The following RANBP2 variants were observed in gnomAD, a reference collection of about 807,000 sequenced individuals.
The protein encoded by RANBP2 is E3 SUMO-protein ligase RanBP2.
RANBP2 carries 57 observed loss-of-function variants against 303.6 expected under a neutral mutation model. That is an observed-to-expected ratio of 0.19 (90% confidence interval 0.15 to 0.23). RANBP2 has a LOEUF of 0.23. Ranked by LOEUF, RANBP2 falls within the 10% of genes least tolerant of loss-of-function variation. RANBP2 has a pLI of 1.00. For synonymous variants in RANBP2, 1,167 were observed against 1,301.5 expected, an observed-to-expected ratio of 0.90 and a Z score of 2.23; for missense variants, 3,138 against 3,780.8, an observed-to-expected ratio of 0.83 and a Z score of 4.46.
At chr2:109,424,260 C>G in the RANBP2 span, among the ~76,000 whole-genome samples, 12 of 152,196 alleles carry the variant, frequency 7.9e-5, no homozygotes, top group East Asian at 1.2e-3. Context: ...TCAGGCTGCC[C>G]TTTGAAGGGG....
chr2:109,109,609 AT>A, the RANBP2 span, among the ~76,000 whole-genome samples: 1 of 152,342 alleles, frequency 6.6e-6, no homozygotes, highest in African/African-American at 2.4e-5. Context: ...CACAGTGCTG[AT>A]TAATAAAAAT....
chr2:109,597,924 T>C, the RANBP2 span, among the ~76,000 whole-genome samples: 1 of 152,194 alleles, frequency 6.6e-6, no homozygotes, highest in Admixed American at 6.6e-5. Flanking sequence ...CTTCTGATGC[T>C]TCTTTTCCAA....
chr2:109,075,996 C>G, the RANBP2 span, among the ~76,000 whole-genome samples: 1 of 150,600 alleles, frequency 6.6e-6, no homozygotes, highest in African/African-American at 2.4e-5. Context: ...GAAAAGAAAA[C>G]CACATGCCAA....
chr2:108,729,676 A>G (rs2949983), intron 2 of RANBP2, among the ~76,000 whole-genome samples: 5 of 151,458 alleles, frequency 3.3e-5, no homozygotes, highest in African/African-American at 1.2e-4. Flanking sequence ...TGATTTCCTG[A>G]CTTGGAGTGG....
intron 25 of RANBP2, among the ~76,000 whole-genome samples, chr2:108,778,311 C>G (rs1399508363): frequency 6.6e-6 from 1 of 152,192 alleles, no homozygotes; most frequent in Non-Finnish European, 1.5e-5. Flanking sequence ...TTTTATTCAC[C>G]AAGCTCTTGT....
the RANBP2 span, among the ~76,000 whole-genome samples, chr2:108,822,545 A>G: frequency 6.6e-6 from 1 of 152,230 alleles, no homozygotes; most frequent in Non-Finnish European, 1.5e-5. Context: ...CAGATAAACT[A>G]CGTGTTTGGC....
chr2:108,959,374 G>A, the RANBP2 span, among the ~76,000 whole-genome samples: 1 of 152,236 alleles, frequency 6.6e-6, no homozygotes, highest in African/African-American at 2.4e-5. Context: ...AGAGAAATCA[G>A]AGCTCCCCAG....
At chr2:108,831,523 A>T in the RANBP2 span, among the ~76,000 whole-genome samples, 1 of 152,232 alleles carries the variant, frequency 6.6e-6, no homozygotes, top group South Asian at 2.1e-4. Context: ...TCATGAAAAT[A>T]TGAAATGGCT....
the RANBP2 span, among the ~76,000 whole-genome samples, chr2:109,571,469 CT>C: frequency 6.6e-6 from 1 of 152,130 alleles, no homozygotes; most frequent in African/African-American, 2.4e-5. Flanking sequence ...ATACTGGATA[CT>C]GTAGACAACC....
At chr2:109,568,067 A>G in the RANBP2 span, 2 of 1,020,490 alleles carry the variant, frequency 2.0e-6, no homozygotes, top group South Asian at 1.7e-5. Context: ...TCATTCTGAC[A>G]ATGAATTTCC....
the RANBP2 span, among the ~76,000 whole-genome samples, chr2:108,807,753 G>A: frequency 6.6e-6 from 1 of 152,182 alleles, no homozygotes; most frequent in African/African-American, 2.4e-5. Flanking sequence ...GAGTATCTGG[G>A]ATTACAGGCG....
the RANBP2 span, among the ~76,000 whole-genome samples, chr2:109,401,413 C>T: frequency 1.2e-4 from 18 of 152,184 alleles, no homozygotes; most frequent in Non-Finnish European, 4.4e-5. Context: ...GAGCAAAGGC[C>T]ACTCTCACTG....
At chr2:109,713,251 T>A in the RANBP2 span, among the ~76,000 whole-genome samples, 1 of 152,118 alleles carries the variant, frequency 6.6e-6, no homozygotes, top group Non-Finnish European at 1.5e-5. Context: ...GTTACGAATC[T>A]CCAGGACAGG....
chr2:109,420,372 T>TC, the RANBP2 span, among the ~76,000 whole-genome samples: 7,890 of 152,210 alleles, frequency 0.052, 577 homozygotes, highest in African/African-American at 0.17. Flanking sequence ...GCAGGGTGGG[T>TC]AGACGTCAGA....
chr2:108,930,290 C>T, the RANBP2 span: 1 of 1,613,254 alleles, frequency 6.2e-7, no homozygotes, highest in African/African-American at 1.3e-5. Context: ...CTTAGAAACA[C>T]ATGTGACTCC....
the RANBP2 span, among the ~76,000 whole-genome samples, chr2:108,932,368 A>T: frequency 1.3e-5 from 2 of 151,854 alleles, no homozygotes; most frequent in African/African-American, 4.8e-5. Context: ...CTCTACTAAA[A>T]ATACAAAAAA....
the RANBP2 span, among the ~76,000 whole-genome samples, chr2:108,963,273 C>G: frequency 6.6e-6 from 1 of 152,180 alleles, no homozygotes; most frequent in Non-Finnish European, 1.5e-5. Flanking sequence ...AAAATGATCA[C>G]GCACTACACA....
At chr2:108,844,218 G>C in the RANBP2 span, among the ~76,000 whole-genome samples, 1 of 151,952 alleles carries the variant, frequency 6.6e-6, no homozygotes, top group Non-Finnish European at 1.5e-5. Flanking sequence ...CTAATGACGT[G>C]ATTTTAGATG....
At chr2:109,544,355 CA>C in the RANBP2 span, 1 of 1,553,970 alleles carries the variant, frequency 6.4e-7, no homozygotes, top group South Asian at 1.2e-5. Flanking sequence ...TTGATTGGTA[CA>C]ATTTAAAAAA....
Sources: gnomAD v4.1 joint callset for allele counts (sites outside exome capture counted in the v4.1 genomes callset) on GRCh38, gnomAD v4.1.1 for gene constraint, MANE v1.5 for transcripts, NCBI Gene and HGNC (gene_info 2026-07-23, HGNC 2026-07-21) for gene names.